Variants in DHX35 observed in about 807,000 individuals in gnomAD.
DHX35 encodes the protein DEAH-box helicase 35.
Under a neutral mutation model 99.6 loss-of-function variants are expected in DHX35, and 84 were observed. The ratio of observed to expected loss-of-function variants is 0.84; its 90% CI spans 0.71 to 1.01. The LOEUF is 1.01. Ranked by LOEUF, DHX35 falls within the 50% of genes least tolerant of loss-of-function variation. The pLI, the probability that DHX35 is intolerant of heterozygous loss-of-function variation, is 0.00. For missense variants in DHX35, 852 were observed against 888.5 expected, an observed-to-expected ratio of 0.96 and a Z score of 0.52; for synonymous variants, 331 against 316.2, an observed-to-expected ratio of 1.05 and a Z score of -0.50.
At chr20:39,035,361 C>G (rs2087132614) in intron 21 of DHX35, among the ~76,000 whole-genome samples, 1 of 152,252 alleles carries the variant, frequency 6.6e-6, no homozygotes, top group African/African-American at 2.4e-5. Context: ...TGTGAGCCAC[C>G]ACGCCCAGCT....
intron 8 of DHX35, among the ~76,000 whole-genome samples, chr20:39,001,492 TTTA>T (rs1173691261): frequency 6.6e-6 from 1 of 152,200 alleles, no homozygotes; most frequent in Non-Finnish European, 1.5e-5. Flanking sequence ...AAATCTAACC[TTTA>T]TTATTTTTAT....
At chr20:39,000,054 G>A (rs1405484582) in intron 8 of DHX35, among the ~76,000 whole-genome samples, 1 of 152,190 alleles carries the variant, frequency 6.6e-6, no homozygotes, top group East Asian at 1.9e-4. Flanking sequence ...AGATGAGGAG[G>A]CCTAGACCTT....
intron 3 of DHX35, among the ~76,000 whole-genome samples, chr20:38,974,349 G>A (rs151275852): frequency 6.6e-4 from 100 of 152,228 alleles, no homozygotes; most frequent in African/African-American, 2.3e-3. Context: ...CAATTTTAGC[G>A]TTAGGGTCTG....
At chr20:39,025,630 A>G (rs1000779154) in intron 18 of DHX35, among the ~76,000 whole-genome samples, 1 of 152,256 alleles carries the variant, frequency 6.6e-6, no homozygotes, top group Non-Finnish European at 1.5e-5. Context: ...CAGTCACATC[A>G]GTGCACATCA....
intron 1 of DHX35, among the ~76,000 whole-genome samples, chr20:38,964,127 TG>T (rs1012550137): frequency 6.6e-6 from 1 of 152,188 alleles, no homozygotes; most frequent in Non-Finnish European, 1.5e-5. Context: ...GAAAGTTGAA[TG>T]TATGGATAAG....
At chr20:39,034,817 CA>C (rs1160803309) in intron 21 of DHX35, among the ~76,000 whole-genome samples, 1 of 150,338 alleles carries the variant, frequency 6.7e-6, no homozygotes, top group Non-Finnish European at 1.5e-5. Flanking sequence ...ACGGTTTCAC[CA>C]TGTTGGCCAG....
chr20:38,984,621 G>A (rs1038267493), intron 4 of DHX35, among the ~76,000 whole-genome samples: 6 of 152,096 alleles, frequency 3.9e-5, no homozygotes, highest in Non-Finnish European at 8.8e-5. Flanking sequence ...TTCAAATTAC[G>A]CCTTATAGTT....
At chr20:39,029,092 G>C (rs1210734996) in intron 19 of DHX35, 1 of 152,428 alleles carries the variant, frequency 6.6e-6, no homozygotes, top group Non-Finnish European at 1.5e-5. Context: ...ACTGTAGCCT[G>C]TCAGTATCAT....
chr20:38,983,422 C>CTG (rs1443802857), intron 3 of DHX35, among the ~76,000 whole-genome samples: 1 of 152,146 alleles, frequency 6.6e-6, no homozygotes, highest in Non-Finnish European at 1.5e-5. Context: ...CCTGAGGCAT[C>CTG]TGTAGTACAT....
At chr20:38,998,189 C>T (rs1461549010) in intron 8 of DHX35, among the ~76,000 whole-genome samples, 2 of 152,222 alleles carry the variant, frequency 1.3e-5, no homozygotes, top group African/African-American at 2.4e-5. Flanking sequence ...TCCTGTATCA[C>T]GTGATGATAT....
At chr20:38,993,824 T>A (rs183539959) in intron 7 of DHX35, among the ~76,000 whole-genome samples, 17 of 152,336 alleles carry the variant, frequency 1.1e-4, no homozygotes, top group African/African-American at 3.6e-4. Context: ...TACTGTATAT[T>A]GTGATTTGTT....
At chr20:38,973,028 T>C (rs1391280611) in intron 3 of DHX35, among the ~76,000 whole-genome samples, 1 of 152,262 alleles carries the variant, frequency 6.6e-6, no homozygotes, top group Non-Finnish European at 1.5e-5. Context: ...TATGCAGTGC[T>C]ATGGAAGAAC....
intron 20 of DHX35, among the ~76,000 whole-genome samples, chr20:39,032,883 T>G (rs1003303726): frequency 1.3e-5 from 2 of 152,172 alleles, no homozygotes; most frequent in Non-Finnish European, 2.9e-5. Flanking sequence ...GAAAGCACCT[T>G]GGTCGGTTCT....
rs1424917692 is a variant in DHX35 at position 38,972,640 on chromosome 20, C to G, written c.256C>G (p.Gln86Glu). Reference protein sequence around the residue: ...VGETGCGKSTQIPQYLAEAGW... With the variant: ...VGETGCGKSTEIPQYLAEAGW... The stretch of plus-strand genomic sequence containing the variant: ...TGAAACAGGATGTGGGAAGAGCACA[C>G]AGATTCCTCAGGTGAGTACATATTT... The change falls in exon 3 of 22, where the codon CAG (glutamine) becomes GAG (glutamate). Residue 86 changes from glutamine to glutamate, a missense_variant. Transcript: ENST00000252011. 2 of 1,610,020 alleles carry G rather than the reference C, an allele frequency of 1.2e-6. No homozygotes were observed. The highest frequency in any genetic ancestry group is 2.7e-5 in the African/African-American group (2 of 74,864).
chr20:39,009,948 C>T lies in DHX35; in HGVS notation c.1223-332C>T, dbSNP rs2086673620. ...GAAGCTCTTGCTTCCTTGACTTATT[C>T]CAAACAGAGATGGTGGCAACTGGGA... On this transcript the variant is annotated intron_variant, in intron 12 of 21. Transcript: ENST00000252011. Among the ~76,000 whole-genome samples, 3 of 152,064 alleles carry T rather than the reference C, an allele frequency of 2.0e-5. No individual in the cohort carries two copies. The South Asian group carries it at 6.2e-4, about 31-fold the overall frequency.
chr20:39,037,004 C>G (rs1033550256), intron 21 of DHX35, among the ~76,000 whole-genome samples: 10 of 152,184 alleles, frequency 6.6e-5, no homozygotes, highest in African/African-American at 2.4e-4. Flanking sequence ...TTCCTGGCAC[C>G]TTTGGAGACT....
rs1433654983 is a variant in DHX35 at position 39,003,767 on chromosome 20, G to A, written c.871G>A (p.Val291Met). The change falls in exon 11 of 22, where the codon GTG becomes ATG. Residue 291 changes from valine (V) to methionine (M), a missense_variant. Val to Met is a conservative substitution (Grantham distance 21). Coordinates refer to ENST00000252011, the MANE Select transcript of DHX35 (RefSeq NM_021931.4). ...TCTTTAGGAAGAGGTAGAAACTGTT[G>A]TGTCGATGCTCATCGAGCAGGCTCG... ...LTGQEEVETV[V>M]SMLIEQARAL... 6.2e-7 allele frequency: 1 copy of A among 1,613,918 alleles called. No homozygotes were observed. The highest frequency in any genetic ancestry group is 8.5e-7 in the Non-Finnish European group (1 of 1,179,836).
intron 1 of DHX35, among the ~76,000 whole-genome samples, chr20:38,967,519 C>A (rs1323201275): frequency 3.9e-5 from 6 of 152,204 alleles, no homozygotes; most frequent in Non-Finnish European, 8.8e-5. Context: ...CTTATTACTC[C>A]TAGTTCTGTC....
chr20:38,963,314 G>A (rs1423492983), intron 1 of DHX35, among the ~76,000 whole-genome samples: 2 of 152,204 alleles, frequency 1.3e-5, no homozygotes, highest in Admixed American at 1.3e-4. Context: ...GATGTGCAAA[G>A]TATATTGCAG....
Sources: allele counts gnomAD v4.1 joint callset (sites outside exome capture counted in the v4.1 genomes callset), GRCh38; gene constraint gnomAD v4.1.1; transcripts MANE v1.5; gene names NCBI Gene and HGNC (gene_info 2026-07-23, HGNC 2026-07-21).